Variants in FOCAD observed in about 807,000 individuals in gnomAD.
FOCAD encodes the protein KIAA1797.
FOCAD carries 198 observed loss-of-function variants against 225.6 expected under a neutral mutation model. The ratio of observed to expected loss-of-function variants is 0.88; its 90% CI spans 0.78 to 0.99. The LOEUF (loss-of-function observed/expected upper bound fraction) is 0.99. FOCAD is among the 50% of genes least tolerant of loss of function. FOCAD has a pLI of 0.00. For synonymous variants in FOCAD, 897 were observed against 755.0 expected, an observed-to-expected ratio of 1.19 and a Z score of -3.08; for missense variants, 2,713 against 2,123.6, an observed-to-expected ratio of 1.28 and a Z score of -5.46.
At chr9:20,857,555 A>AT (rs1828313536) in intron 15 of FOCAD, among the ~76,000 whole-genome samples, 1 of 151,456 alleles carries the variant, frequency 6.6e-6, no homozygotes, top group Admixed American at 6.6e-5. Flanking sequence ...AATTTTACTT[A>AT]TTTTTTTCCT....
At chr9:20,696,845 C>T (rs1220394770) in intron 1 of FOCAD, among the ~76,000 whole-genome samples, 7 of 151,836 alleles carry the variant, frequency 4.6e-5, no homozygotes, top group Non-Finnish European at 7.4e-5. Flanking sequence ...CCATCGTAAC[C>T]GTATTAAGAG....
intron 28 of FOCAD, among the ~76,000 whole-genome samples, chr9:20,943,112 G>C (rs533192561): frequency 6.6e-6 from 1 of 152,130 alleles, no homozygotes; most frequent in Non-Finnish European, 1.5e-5. Context: ...AATAGCAAAG[G>C]CTTTACATTC....
intron 35 of FOCAD, among the ~76,000 whole-genome samples, chr9:20,970,208 G>T (rs576324476): frequency 6.6e-6 from 1 of 151,900 alleles, no homozygotes; most frequent in Non-Finnish European, 1.5e-5. Context: ...CTTAGACTTT[G>T]TTGAGCTTCT....
At chr9:20,870,758 G>A (rs1053304315) in intron 18 of FOCAD, among the ~76,000 whole-genome samples, 4 of 152,134 alleles carry the variant, frequency 2.6e-5, no homozygotes, top group African/African-American at 9.7e-5. Context: ...GCACACTTAA[G>A]GTATGTTAGG....
intron 2 of FOCAD, among the ~76,000 whole-genome samples, chr9:20,662,154 G>A (rs544001284): frequency 6.6e-6 from 1 of 151,992 alleles, no homozygotes; most frequent in African/African-American, 2.4e-5. Context: ...TTTAAATGTG[G>A]CTGTGTTGCT....
At chr9:20,732,490 T>C (rs994914808) in intron 4 of FOCAD, among the ~76,000 whole-genome samples, 3 of 152,170 alleles carry the variant, frequency 2.0e-5, no homozygotes, top group African/African-American at 7.2e-5. Context: ...GAGAGTGGTA[T>C]GAAATGAAGC....
rs570549215 is a variant in FOCAD, at chr9:20,942,583, C to G, written c.3408-2044C>G. Among the ~76,000 whole-genome samples, 10 of 152,298 alleles carry G rather than the reference C, an allele frequency of 6.6e-5. No homozygotes were observed. The South Asian group carries it at 2.1e-3, about 32-fold the overall frequency. On this transcript the variant is annotated intron_variant, in intron 28 of 43. Transcript: ENST00000338382. ...CTACTACTAAACATAAGAATCAAGC[C>G]TTGCTTTTTTCTTCTTCCTCTGTAG...
chr9:20,754,956 G>A (rs1828917952), intron 5 of FOCAD, among the ~76,000 whole-genome samples: 1 of 152,156 alleles, frequency 6.6e-6, no homozygotes, highest in Non-Finnish European at 1.5e-5. Flanking sequence ...ACACCAATTT[G>A]ATGACTCTTA....
chr9:20,833,025 A>T (rs1018114989), intron 15 of FOCAD, among the ~76,000 whole-genome samples: 2 of 152,076 alleles, frequency 1.3e-5, no homozygotes, highest in East Asian at 3.9e-4. Context: ...ATATACCCAG[A>T]AGAGGGATTG....
intron 18 of FOCAD, 104 bp from the exon 19 acceptor site, chr9:20,874,577 G>C: frequency 8.2e-7 from 1 of 1,223,938 alleles, no homozygotes; most frequent in African/African-American, 1.5e-5. Flanking sequence ...GAGTGATGGA[G>C]TCTAACAAAA....
chr9:20,675,341 CAAGAA>C (rs1260290341), intron 2 of FOCAD, among the ~76,000 whole-genome samples: 6 of 152,090 alleles, frequency 3.9e-5, no homozygotes, highest in African/African-American at 1.4e-4. Context: ...CATGTCAAAA[CAAGAA>C]AAGAAGAGAA....
At position 20,865,981 on chromosome 9, in the gene FOCAD, T is replaced by C. The variant is rs555117161; in HGVS notation, c.2106+5T>C. 9.5e-5 allele frequency: 152 copies of C among 1,603,654 alleles called. 2 individuals carry two copies. In the South Asian group the frequency reaches 1.7e-3, roughly 18 times the overall value. On this transcript the variant is annotated splice_donor_5th_base_variant and intron_variant, in intron 17 of 43. Transcript: ENST00000338382. ...TGGACTCATACTCAAAACAAGGTAC[T>C]ATCACAAGGCTTGTCAGTGAATCAG...
chr9:20,904,404 C>T (rs868187954), intron 21 of FOCAD, among the ~76,000 whole-genome samples: 2 of 151,824 alleles, frequency 1.3e-5, no homozygotes, highest in African/African-American at 4.8e-5. Flanking sequence ...TACATCCTCA[C>T]CTCCTCCAAG....
chr9:20,959,973 G>T (rs915100844), intron 35 of FOCAD, among the ~76,000 whole-genome samples: 1 of 152,114 alleles, frequency 6.6e-6, no homozygotes, highest in Non-Finnish European at 1.5e-5. Context: ...AGCAAAAATT[G>T]TCTTCCTTTT....
chr9:20,792,303 A>G (rs1048348921), intron 11 of FOCAD, among the ~76,000 whole-genome samples: 2 of 152,232 alleles, frequency 1.3e-5, no homozygotes, highest in African/African-American at 4.8e-5. Flanking sequence ...TTGGTCTAAA[A>G]TAAAAGTGTA....
chr9:20,793,874 G>A (rs1210548662), intron 11 of FOCAD, among the ~76,000 whole-genome samples: 1 of 152,134 alleles, frequency 6.6e-6, no homozygotes, highest in East Asian at 1.9e-4. Context: ...GTCTACCATT[G>A]CCAGAACAAA....
At chr9:20,891,139 A>G (rs1160825051) in intron 21 of FOCAD, among the ~76,000 whole-genome samples, 1 of 152,174 alleles carries the variant, frequency 6.6e-6, no homozygotes, top group Admixed American at 6.5e-5. Flanking sequence ...TTTGAGGTAT[A>G]ACAAACTGTG....
At chr9:20,885,579 G>A (rs1353526674) in intron 21 of FOCAD, 1 of 154,262 alleles carries the variant, frequency 6.5e-6, no homozygotes, top group Non-Finnish European at 1.4e-5. Context: ...TTATGTAGGG[G>A]ACCAGTGTTT....
intron 1 of FOCAD, among the ~76,000 whole-genome samples, chr9:20,699,023 A>G (rs1823620817): frequency 6.6e-6 from 1 of 152,194 alleles, no homozygotes; most frequent in East Asian, 1.9e-4. Context: ...AGAATGATTT[A>G]GTTTTTGGCT....
Sources: allele counts gnomAD v4.1 joint callset (sites outside exome capture counted in the v4.1 genomes callset), GRCh38; gene constraint gnomAD v4.1.1; transcripts MANE v1.5; gene names NCBI Gene and HGNC (gene_info 2026-07-23, HGNC 2026-07-21).